DNHD1: variants seen among roughly 807,000 people sequenced by gnomAD.
The protein encoded by DNHD1 is dynein heavy chain domain 1.
Under a neutral mutation model 458.1 loss-of-function variants are expected in DNHD1, and 383 were observed. That is an observed-to-expected ratio of 0.84 (90% confidence interval 0.77 to 0.91). DNHD1 has a LOEUF of 0.91. Among genes scored for constraint, DNHD1 ranks in the 40% least tolerant of loss-of-function variants. The pLI is 0.00. For missense variants in DNHD1, 5,336 were observed against 5,866.1 expected, an observed-to-expected ratio of 0.91 and a Z score of 2.95; for synonymous variants, 2,203 against 2,376.9, an observed-to-expected ratio of 0.93 and a Z score of 2.13.
Position 6,509,048 on chromosome 11 carries a change from C to T in DNHD1, c.1089C>T (p.Phe363=), listed in dbSNP as rs10839568. 0.31 allele frequency: 495,892 copies of T among 1,613,990 alleles called. 79,186 individuals are homozygous for T. Among genetic ancestry groups the T allele is most frequent in the Admixed American group, 0.36 (21,832 of 60,006 alleles). Reference sequence around the variant, plus strand: ...GGCAGCAGCTCCAGTTCATTCCATTCTTTAAGTATTGCCTCTTACGCAAGT... The same window carrying T: ...GGCAGCAGCTCCAGTTCATTCCATTTTTTAAGTATTGCCTCTTACGCAAGT... The part of the protein sequence containing the change: ...VLWQQLQFIP[F]FKYCLLRKSF... The change falls in exon 5 of 43, where the codon TTC becomes TTT. Residue 363 remains phenylalanine (F), a synonymous_variant. Transcript: ENST00000254579.
chr11:6,545,371 G>C lies in DNHD1; in HGVS notation c.4432G>C (p.Gly1478Arg). 1 of 1,551,774 alleles carries C rather than the reference G, an allele frequency of 6.4e-7. No homozygotes were observed. Among genetic ancestry groups the C allele is most frequent in the Non-Finnish European group, 8.7e-7 (1 of 1,147,014 alleles). Residue 1478 changes from glycine to arginine, a missense_variant, in exon 21 of 43, where the codon GGT becomes CGT. Physicochemically the swap from Gly to Arg is moderately radical, Grantham distance 125. Transcript: ENST00000254579. This position sits in a 1 kb window ranked among gnomAD's most constrained non-coding sequence, Gnocchi z 4.9. ...AARLARGPSL[G>R]EALKQLPKQN... ...TCGCCTTGCTCGAGGCCCATCTCTA[G>C]GTGAGGCCCTCAAGCAACTGCCCAA...
chr11:6,527,109 T>A (rs1852725500), intron 10 of DNHD1, among the ~76,000 whole-genome samples: 1 of 152,238 alleles, frequency 6.6e-6, no homozygotes, highest in African/African-American at 2.4e-5. Context: ...ATCTAATTGT[T>A]CTGTCATTTT....
At chr11:6,517,671 T>C (rs1852510408) in intron 7 of DNHD1, among the ~76,000 whole-genome samples, 1 of 136,216 alleles carries the variant, frequency 7.3e-6, no homozygotes, top group African/African-American at 2.8e-5. Context: ...TTTTTTTTTT[T>C]TTTTTTTTTT....
intron 10 of DNHD1, among the ~76,000 whole-genome samples, chr11:6,521,921 T>C (rs1309448458): frequency 1.3e-5 from 2 of 152,130 alleles, no homozygotes; most frequent in Non-Finnish European, 2.9e-5. Context: ...CTTGCTATGT[T>C]GCCGAGGCTG....
Position 6,570,347 on chromosome 11 carries a change from C to T in DNHD1, c.13056C>T (p.Val4352=). ...TGAGCCCCAGTAGTGGGAGCTGGGT[C>T]CAGCCACACACACCTCAGTCTTTGC... ...ACLSPSSGSW[V]QPHTPQSLLA... The change falls in exon 41 of 43, where the codon GTC becomes GTT. Residue 4352 remains valine (V), a synonymous_variant. Transcript: ENST00000254579. 6 of 1,612,192 alleles carry T rather than the reference C, an allele frequency of 3.7e-6. No individual in the cohort carries two copies. The highest frequency in any genetic ancestry group is 5.1e-6 in the Non-Finnish European group (6 of 1,179,212).
At position 6,563,412 on chromosome 11, in the gene DNHD1, C is replaced by G; in HGVS notation, c.9700C>G (p.Gln3234Glu). 6.4e-7 allele frequency: 1 copy of G among 1,551,720 alleles called. No individual in the cohort carries two copies. The highest frequency in any genetic ancestry group is 1.2e-5 in the South Asian group (1 of 84,062). ...CAAGGCATTTCTGGAGCCTCTGAGC[C>G]AGCTGCAGGTGGCTGACTTTGAGGA... Reference protein sequence around the residue: ...MSKAFLEPLSQLQVADFEEIR... With the variant: ...MSKAFLEPLSELQVADFEEIR... Residue 3234 changes from glutamine to glutamate, a missense_variant, in exon 30 of 43, where the codon CAG becomes GAG. Physicochemically the swap from Gln to Glu is conservative, Grantham distance 29. Around this residue, in one of 4 missense-constraint regions of DNHD1, gnomAD observed 3,932 missense variants for 4,365.6 expected, o/e 0.90. Transcript: ENST00000254579.
chr11:6,510,019 G>A (rs1335974400), intron 6 of DNHD1, among the ~76,000 whole-genome samples: 3 of 152,120 alleles, frequency 2.0e-5, no homozygotes, highest in African/African-American at 7.2e-5. Flanking sequence ...GGATTTCCTA[G>A]AAATCCACAT....
chr11:6,557,062 C>G lies in DNHD1; in HGVS notation c.7767C>G (p.Phe2589Leu). ...MPSPLHPHYH[F>L]SLHSVSHLLS... ...CACCCCTCCACCCACACTACCACTT[C>G]TCCCTACACTCTGTGAGCCACCTAC... The change falls in exon 25 of 43, where the codon TTC becomes TTG. Residue 2589 changes from phenylalanine (F) to leucine (L), a missense_variant. Phe to Leu is a conservative substitution (Grantham distance 22). Around this residue, in one of 4 missense-constraint regions of DNHD1, gnomAD observed 3,932 missense variants for 4,365.6 expected, o/e 0.90. Transcript: ENST00000254579. 1 of 1,551,632 alleles carries G rather than the reference C, an allele frequency of 6.4e-7. No individual in the cohort carries two copies. The highest frequency in any genetic ancestry group is 1.2e-5 in the South Asian group (1 of 84,048).
At chr11:6,538,350 T>G (rs750393598) in intron 14 of DNHD1, 33 bp from the exon 15 acceptor site, 2 of 1,550,956 alleles carry the variant, frequency 1.3e-6, no homozygotes, top group South Asian at 2.4e-5. Context: ...ACACTGCAAG[T>G]AGCCCAGGTC....
At chr11:6,536,361 A>G (rs1375060435) in intron 14 of DNHD1, among the ~76,000 whole-genome samples, 2 of 152,248 alleles carry the variant, frequency 1.3e-5, no homozygotes, top group Non-Finnish European at 2.9e-5. Flanking sequence ...TATTGTATCA[A>G]TATAATATAT....
At chr11:6,566,163 A>T in intron 33 of DNHD1, 78 bp from the exon 34 acceptor site, 1 of 1,522,146 alleles carries the variant, frequency 6.6e-7, no homozygotes, top group Middle Eastern at 2.0e-4. Flanking sequence ...AGCTGGTCAG[A>T]GCCAGACCTC....
At chr11:6,551,773 T>A (rs1396477728) in intron 24 of DNHD1, among the ~76,000 whole-genome samples, 1 of 152,138 alleles carries the variant, frequency 6.6e-6, no homozygotes, top group Non-Finnish European at 1.5e-5. Context: ...AAACCCCGTC[T>A]CTACTAAAAA....
intron 13 of DNHD1, 80 bp from the exon 14 acceptor site, chr11:6,533,601 G>T (rs1379739491): frequency 2.0e-6 from 3 of 1,471,532 alleles, no homozygotes; most frequent in African/African-American, 2.8e-5. Flanking sequence ...ACTCCAAAAG[G>T]TGGGAGTTCC....
intron 41 of DNHD1, 91 bp from the exon 42 acceptor site, chr11:6,570,527 T>C: frequency 1.3e-6 from 2 of 1,481,890 alleles, no homozygotes; most frequent in Non-Finnish European, 1.8e-6. Context: ...ATGGGGGTGA[T>C]GGCAGTAAAG....
Position 6,502,861 on chromosome 11 carries a change from G to T in DNHD1, c.855G>T (p.Lys285Asn). 1 of 1,613,390 alleles carries T rather than the reference G, an allele frequency of 6.2e-7. No individual in the cohort carries two copies. The highest frequency in any genetic ancestry group is 8.5e-7 in the Non-Finnish European group (1 of 1,179,720). ...ATAGCCAGGTGATGACTGCTCTGAAGATGGAGAGATACCTGAAGAAGATCC... is the reference window on the plus strand; with the variant it reads ...ATAGCCAGGTGATGACTGCTCTGAATATGGAGAGATACCTGAAGAAGATCC... ...FLDSQVMTAL[K>N]MERYLKKIHF... The change falls in exon 4 of 43, where the codon AAG becomes AAT. Residue 285 changes from lysine to asparagine, a missense_variant. By Grantham distance (94) the Lys-to-Asn change is moderately conservative. Transcript: ENST00000254579.
chr11:6,564,576 A>G lies in DNHD1; in HGVS notation c.10528A>G (p.Ile3510Val). 1 of 1,551,720 alleles carries G rather than the reference A, an allele frequency of 6.4e-7. No individual in the cohort carries two copies. Among genetic ancestry groups the G allele is most frequent in the South Asian group, 1.2e-5 (1 of 84,058 alleles). Residue 3510 changes from isoleucine (I) to valine (V), a missense_variant, in exon 32 of 43, where the codon ATT (isoleucine) becomes GTT (valine). Around this residue, in one of 4 missense-constraint regions of DNHD1, gnomAD observed 3,932 missense variants for 4,365.6 expected, o/e 0.90. Coordinates refer to ENST00000254579, the MANE Select transcript of DNHD1 (RefSeq NM_144666.3). The stretch of plus-strand genomic sequence containing the variant: ...GCTGGCTACACACTCTCCCTTCAGT[A>G]TTCTGTCCTTGCTGAGCTCTGAATC... ...PLLATHSPFS[I>V]LSLLSSESEQ...
chr11:6,555,645 A>G (rs1322419712), intron 24 of DNHD1, among the ~76,000 whole-genome samples: 1 of 152,208 alleles, frequency 6.6e-6, no homozygotes, highest in Non-Finnish European at 1.5e-5. Flanking sequence ...ACACGCAAAA[A>G]CATGGATGAG....
Position 6,548,048 on chromosome 11 carries a change from C to T in DNHD1, c.6905+8C>T. The T allele has an allele frequency of 6.4e-7, 1 of 1,551,652 alleles. No individual in the cohort carries two copies. The highest frequency in any genetic ancestry group is 1.2e-5 in the South Asian group (1 of 84,058). On this transcript the variant is annotated splice_region_variant and intron_variant, in intron 22 of 42. Coordinates refer to ENST00000254579, the MANE Select transcript of DNHD1 (RefSeq NM_144666.3). This position sits in a 1 kb window ranked among gnomAD's most constrained non-coding sequence, Gnocchi z 4.4. ...AGCCCACCTTCCCTCCAGGTACCTA[C>T]CAGGATGGGGGATGGGAGATGCAGA...
chr11:6,559,952 C>T (rs920658597), intron 28 of DNHD1, among the ~76,000 whole-genome samples: 1 of 152,144 alleles, frequency 6.6e-6, no homozygotes, highest in Non-Finnish European at 1.5e-5. Context: ...TAGTTGAAAC[C>T]TCAAAACCTT....
Sources: gnomAD v4.1 joint callset for allele counts (sites outside exome capture counted in the v4.1 genomes callset) on GRCh38, gnomAD v4.1.1 for gene constraint, gnomAD v4.1.1 regional missense constraint, Gnocchi (gnomAD v3.1) non-coding constraint, MANE v1.5 for transcripts, NCBI Gene and HGNC (gene_info 2026-07-23, HGNC 2026-07-21) for gene names.